ZNF813: variants seen among roughly 807,000 people sequenced by gnomAD.
The protein encoded by ZNF813 is zinc finger protein 813.
Under a neutral mutation model 7.2 loss-of-function variants are expected in ZNF813, and 3 were observed. The ratio of observed to expected loss-of-function variants is 0.42; its 90% confidence interval spans 0.19 to 1.08. ZNF813 has a LOEUF of 1.08. ZNF813 is among the 50% of genes least tolerant of loss of function. The pLI, the probability that ZNF813 is intolerant of heterozygous loss-of-function variation, is 0.30. For missense variants in ZNF813, 714 were observed against 753.3 expected, an observed-to-expected ratio of 0.95 and a Z score of 0.61; for synonymous variants, 227 against 256.3, an observed-to-expected ratio of 0.89 and a Z score of 1.09.
intron 1 of ZNF813, among the ~76,000 whole-genome samples, chr19:53,472,448 A>G (rs1000072026): frequency 3.9e-5 from 6 of 152,098 alleles, no homozygotes; most frequent in African/African-American, 1.4e-4. Context: ...GCCATCGGTA[A>G]AAGGGAGGGA....
intron 1 of ZNF813, among the ~76,000 whole-genome samples, chr19:53,473,719 G>A (rs190805658): frequency 6.6e-6 from 1 of 152,172 alleles, no homozygotes; most frequent in African/African-American, 2.4e-5. Flanking sequence ...TTCAGTTATG[G>A]GCTTCTTGCA....
At chr19:53,482,635 T>G (rs2086413669) in intron 1 of ZNF813, among the ~76,000 whole-genome samples, 2 of 150,530 alleles carry the variant, frequency 1.3e-5, no homozygotes, top group Non-Finnish European at 3.0e-5. Context: ...CCATCTGATG[T>G]TCCCTCTGCC....
Position 53,495,227 on chromosome 19 carries a change from G to A in ZNF813, c.*3141G>A, listed in dbSNP as rs1252805567. On this transcript the variant is annotated 3_prime_UTR_variant, in exon 4 of 4. Coordinates refer to ENST00000396403, the MANE Select transcript of ZNF813 (RefSeq NM_001004301.4). ...CACATCAGTTTTTTTGTTTGTTTTTGTTGTTGTTGTTTTTTTGAGATGGTG... is the reference window on the plus strand; with the variant it reads ...CACATCAGTTTTTTTGTTTGTTTTTATTGTTGTTGTTTTTTTGAGATGGTG... 1.3e-5 allele frequency: 2 copies of A among 151,610 alleles called. No individual in the cohort carries two copies. The highest frequency in any genetic ancestry group is 4.8e-5 in the African/African-American group (2 of 41,270). 9.4% of individuals were successfully genotyped at this position (151,610 alleles called of 1,614,324 possible).
At chr19:53,476,504 C>T (rs1373363271) in intron 1 of ZNF813, among the ~76,000 whole-genome samples, 3 of 151,972 alleles carry the variant, frequency 2.0e-5, no homozygotes, top group Non-Finnish European at 4.4e-5. Context: ...TGGCTGGCAC[C>T]TGTAATCCTA....
chr19:53,482,720 T>G (rs1477025461), intron 1 of ZNF813, among the ~76,000 whole-genome samples: 19 of 131,810 alleles, frequency 1.4e-4, no homozygotes, highest in East Asian at 8.8e-4. Context: ...TTGTTTTTTT[T>G]TTTTTTTTTT....
At chr19:53,489,483 T>A (rs953575072) in intron 3 of ZNF813, among the ~76,000 whole-genome samples, 4 of 151,858 alleles carry the variant, frequency 2.6e-5, no homozygotes, top group East Asian at 4.0e-4. Context: ...GTGCCTATTA[T>A]CCCAGGTACT....
At chr19:53,472,159 C>G (rs1170441670) in intron 1 of ZNF813, among the ~76,000 whole-genome samples, 2 of 152,072 alleles carry the variant, frequency 1.3e-5, no homozygotes, top group African/African-American at 4.8e-5. Context: ...CTGCAGTCCA[C>G]ACGGGTAGGT....
At chr19:53,472,388 G>T (rs543916701) in intron 1 of ZNF813, among the ~76,000 whole-genome samples, 1 of 152,100 alleles carries the variant, frequency 6.6e-6, no homozygotes, top group African/African-American at 2.4e-5. Flanking sequence ...TACCACAGAC[G>T]GATGAGTCTA....
At chr19:53,484,051 C>T (rs1406309103) in intron 2 of ZNF813, among the ~76,000 whole-genome samples, 2 of 152,010 alleles carry the variant, frequency 1.3e-5, no homozygotes, top group East Asian at 1.9e-4. Flanking sequence ...GGGCATGGTC[C>T]TGGGAAGGGC....
At chr19:53,474,310 G>GC (rs1428445366) in intron 1 of ZNF813, among the ~76,000 whole-genome samples, 2 of 152,146 alleles carry the variant, frequency 1.3e-5, no homozygotes, top group African/African-American at 2.4e-5. Flanking sequence ...GGCCAAGTGG[G>GC]CCCCCATAAC....
intron 1 of ZNF813, among the ~76,000 whole-genome samples, chr19:53,470,980 G>A (rs2086355934): frequency 6.6e-6 from 1 of 152,144 alleles, no homozygotes; most frequent in Non-Finnish European, 1.5e-5. Flanking sequence ...CATGTAAATT[G>A]GGGTGCGGTA....
chr19:53,479,116 G>T (rs1477493853), intron 1 of ZNF813, among the ~76,000 whole-genome samples: 22 of 152,048 alleles, frequency 1.4e-4, no homozygotes, highest in Non-Finnish European at 1.2e-4. Context: ...TGTACTTTTA[G>T]CAGATATGGG....
chr19:53,481,829 GA>G (rs1270220958), intron 1 of ZNF813, among the ~76,000 whole-genome samples: 1 of 152,178 alleles, frequency 6.6e-6, no homozygotes, highest in Non-Finnish European at 1.5e-5. Flanking sequence ...CCTTGCAAAT[GA>G]AGTTTCTTTA....
chr19:53,470,223 C>T (rs2086351519), intron 1 of ZNF813, among the ~76,000 whole-genome samples: 1 of 149,372 alleles, frequency 6.7e-6, no homozygotes, highest in African/African-American at 2.5e-5. Flanking sequence ...GTGTCTGGAG[C>T]CCATTCCTTT....
chr19:53,490,276 G>A, intron 3 of ZNF813, 99 bp from the exon 4 acceptor site: 1 of 1,328,980 alleles, frequency 7.5e-7, no homozygotes, highest in Non-Finnish European at 1.0e-6. Context: ...TCATGTTGGG[G>A]AAGTTTAAAA....
At chr19:53,477,828 T>A (rs2086389062) in intron 1 of ZNF813, among the ~76,000 whole-genome samples, 5 of 151,994 alleles carry the variant, frequency 3.3e-5, no homozygotes, top group Non-Finnish European at 7.4e-5. Flanking sequence ...CTCAAAAGAA[T>A]AAAAGGGGTG....
In ZNF813 at chr19:53,495,411, A is replaced by G. The variant is rs1357800645; in HGVS notation, c.*3325A>G. On this transcript the variant is annotated 3_prime_UTR_variant, in exon 4 of 4. Transcript: ENST00000396403. ...AGCTAATTTTTGTATTTTTAGTAAG[A>G]CGGGGTTTCACCATGTTGGCAAGGC... 6.6e-6 allele frequency: 1 copy of G among 151,122 alleles called. No homozygotes were observed. Among genetic ancestry groups the G allele is most frequent in the African/African-American group, 2.4e-5 (1 of 41,008 alleles). 9.4% of individuals were successfully genotyped at this position (151,122 alleles called of 1,614,324 possible). A position where few individuals can be genotyped will look rare whatever the true frequency, so the allele number is the denominator to read the frequency against.
At chr19:53,487,819 C>T (rs1486949066) in intron 3 of ZNF813, among the ~76,000 whole-genome samples, 2 of 142,622 alleles carry the variant, frequency 1.4e-5, no homozygotes, top group Non-Finnish European at 1.5e-5. Flanking sequence ...AAAAAAATTC[C>T]ATAACCTGCA....
Position 53,474,417 on chromosome 19 carries a change from G to A in ZNF813, c.-74+6628G>A, listed in dbSNP as rs568277862. On this transcript the variant is annotated intron_variant, in intron 1 of 3. Transcript: ENST00000396403. ...AAATGGCACTTTCGTGGCCGGGCGCGGTGGCTCATGCCTGTAATCCTACCA... is the reference window on the plus strand; with the variant it reads ...AAATGGCACTTTCGTGGCCGGGCGCAGTGGCTCATGCCTGTAATCCTACCA... Among the ~76,000 whole-genome samples the A allele has an allele frequency of 1.1e-4, 16 of 152,088 alleles. No individual in the cohort carries two copies. In the East Asian group the frequency reaches 2.7e-3, roughly 26 times the overall value.
Sources: allele counts gnomAD v4.1 joint callset (sites outside exome capture counted in the v4.1 genomes callset), GRCh38; gene constraint gnomAD v4.1.1; transcripts MANE v1.5; gene names NCBI Gene and HGNC (gene_info 2026-07-23, HGNC 2026-07-21).